DIMT1: variants seen among roughly 807,000 people sequenced by gnomAD.
DIMT1 encodes the protein DIM1 rRNA methyltransferase and ribosome maturation factor, also known as dimethyladenosine transferase.
A neutral mutation model predicts 43.2 loss-of-function variants in DIMT1; 36 were observed. That is an observed-to-expected ratio of 0.83 (90% CI 0.64 to 1.10). DIMT1 has a LOEUF of 1.10. Among genes scored for constraint, DIMT1 ranks in the 50% least tolerant of loss-of-function variants. The pLI is 0.00. For synonymous variants in DIMT1, 126 were observed against 130.3 expected (o/e 0.97, Z 0.22); for missense variants, 341 against 385.3 (o/e 0.88, Z 0.96).
chr5:62,394,606 A>C lies in DIMT1; in HGVS notation c.448T>G (p.Cys150Gly). The C allele has an allele frequency of 6.2e-7, 1 of 1,613,734 alleles. No individual in the cohort carries two copies. The highest frequency in any genetic ancestry group is 8.5e-7 in the Non-Finnish European group (1 of 1,179,878). The change falls in exon 7 of 12, where the codon TGT becomes GGT. Residue 150 changes from cysteine (C) to glycine (G), a missense_variant and splice_region_variant. Transcript: ENST00000199320. The part of the protein sequence containing the change: ...KLLLHRPFFR[C>G]AILMFQREFA... The stretch of plus-strand genomic sequence containing the variant: ...TCTCTTTGAAACATAAGTATAGCAC[A>C]CCTGAAAAGAAAGCAGAAAGGAATA...
chr5:62,391,579 G>T, intron 10 of DIMT1: 1 of 446,738 alleles, frequency 2.2e-6, no homozygotes, highest in Non-Finnish European at 3.0e-6. Flanking sequence ...AAACCATATA[G>T]GTTCTGAGTC....
At chr5:62,394,738 T>G in intron 6 of DIMT1, 131 bp from the exon 7 acceptor site, 3 of 1,323,714 alleles carry the variant, frequency 2.3e-6, no homozygotes, top group Non-Finnish European at 3.1e-6. Context: ...GAGAACACAT[T>G]CAGCCTTTTT....
intron 9 of DIMT1, 70 bp downstream of exon 9, chr5:62,392,856 A>G: frequency 9.1e-7 from 1 of 1,097,030 alleles, no homozygotes; most frequent in Non-Finnish European, 1.4e-6. Flanking sequence ...TGCTCAGGAA[A>G]AGGACCAAAT....
chr5:62,393,214 A>AT (rs372615052), intron 8 of DIMT1, among the ~76,000 whole-genome samples: 166 of 151,450 alleles, frequency 1.1e-3, no homozygotes, highest in African/African-American at 3.8e-3. Flanking sequence ...TTTCCTCAGA[A>AT]TTTTTTTTTG....
At chr5:62,394,937 T>C (rs1457095799) in intron 6 of DIMT1, among the ~76,000 whole-genome samples, 4 of 152,036 alleles carry the variant, frequency 2.6e-5, no homozygotes, top group Non-Finnish European at 5.9e-5. Context: ...ATTTATGGGG[T>C]AGCAAACACC....
At chr5:62,396,095 T>G (rs1031755943) in intron 6 of DIMT1, among the ~76,000 whole-genome samples, 1 of 146,950 alleles carries the variant, frequency 6.8e-6, no homozygotes, top group Non-Finnish European at 1.5e-5. Context: ...TTAGTCTATA[T>G]CAAAAAAACT....
chr5:62,403,849 G>A lies in DIMT1; in HGVS notation c.-77C>T, dbSNP rs1742806699. 13 of 1,476,576 alleles carry A rather than the reference G, an allele frequency of 8.8e-6. No individual in the cohort carries two copies. Among genetic ancestry groups the A allele is most frequent in the Non-Finnish European group, 1.2e-5 (13 of 1,086,180 alleles). 91.5% of individuals were successfully genotyped at this position (1,476,576 alleles called of 1,614,324 possible). On this transcript the variant is annotated 5_prime_UTR_variant, in exon 1 of 12. Coordinates refer to ENST00000199320, the MANE Select transcript of DIMT1 (RefSeq NM_014473.4). The stretch of plus-strand genomic sequence containing the variant: ...GGCTAGCGTGAGAAAGCCACCACGT[G>A]GGGATCGCCGCCACGCGCCGCCCGC...
At chr5:62,393,118 G>C (rs1486902928) in intron 8 of DIMT1, 128 bp from the exon 9 acceptor site, 1 of 547,152 alleles carries the variant, frequency 1.8e-6, no homozygotes, top group African/African-American at 1.9e-5. Context: ...AAAATGTTCT[G>C]TAATCTTGAT....
chr5:62,397,517 A>G (rs1742539867), intron 6 of DIMT1, among the ~76,000 whole-genome samples: 1 of 152,244 alleles, frequency 6.6e-6, no homozygotes, highest in Non-Finnish European at 1.5e-5. Context: ...GGAACAAACA[A>G]GATGAATGTT....
At position 62,389,066 on chromosome 5, in the gene DIMT1, T is replaced by G. The variant is rs1229654164; in HGVS notation, c.900-14A>C. 6.2e-7 allele frequency: 1 copy of G among 1,609,380 alleles called. No individual in the cohort carries two copies. The highest frequency in any genetic ancestry group is 8.5e-7 in the Non-Finnish European group (1 of 1,177,364). ...CCATGTAGCAATCTGAAAAAAGAAA[T>G]CAAAATGGAATGGTACTGAAAAGCT... On this transcript the variant is annotated splice_polypyrimidine_tract_variant and intron_variant, in intron 11 of 11. Transcript: ENST00000199320.
At chr5:62,403,188 G>A (rs959860593) in intron 2 of DIMT1, 85 bp downstream of exon 2, 38 of 1,200,350 alleles carry the variant, frequency 3.2e-5, no homozygotes, top group Middle Eastern at 3.9e-4. Flanking sequence ...TCTAATTTAC[G>A]GCAGGCAGAC....
intron 11 of DIMT1, among the ~76,000 whole-genome samples, chr5:62,390,352 A>G (rs1360018067): frequency 1.3e-5 from 2 of 152,250 alleles, no homozygotes; most frequent in Non-Finnish European, 2.9e-5. Flanking sequence ...TTTTTACTTG[A>G]GAAGTGTAGA....
chr5:62,401,033 G>C (rs552334335), intron 3 of DIMT1, among the ~76,000 whole-genome samples: 164 of 152,268 alleles, frequency 1.1e-3, no homozygotes, highest in African/African-American at 3.8e-3. Context: ...TTACAGGTGT[G>C]AGCCACCATG....
chr5:62,393,210 C>T (rs1426655797), intron 8 of DIMT1, among the ~76,000 whole-genome samples: 1 of 151,926 alleles, frequency 6.6e-6, no homozygotes, highest in Admixed American at 6.6e-5. Flanking sequence ...GTCTTTTCCT[C>T]AGAATTTTTT....
At chr5:62,392,670 G>A (rs1471569660) in intron 9 of DIMT1, 2 of 385,776 alleles carry the variant, frequency 5.2e-6, no homozygotes, top group African/African-American at 2.1e-5. Context: ...CAAAAAACTA[G>A]AGCAGATATA....
chr5:62,400,659 C>T (rs1742667311), intron 3 of DIMT1, among the ~76,000 whole-genome samples: 1 of 152,070 alleles, frequency 6.6e-6, no homozygotes, highest in Non-Finnish European at 1.5e-5. Flanking sequence ...GCTGGGATTA[C>T]AGATGTGGGC....
At chr5:62,391,954 G>A (rs1164431110) in intron 10 of DIMT1, 2 of 1,537,038 alleles carry the variant, frequency 1.3e-6, no homozygotes, top group East Asian at 4.9e-5. Flanking sequence ...AGGACAGGGT[G>A]GAGTAATCAA....
At position 62,387,495 on chromosome 5, in the gene DIMT1, A is replaced by G. The variant is rs1742089529; in HGVS notation, c.*1515T>C. 6.6e-6 allele frequency: 1 copy of G among 152,202 alleles called. No individual in the cohort carries two copies. The highest frequency in any genetic ancestry group is 2.1e-4 in the South Asian group (1 of 4,836). The allele number at this position is 152,202 out of a possible 1,614,324, so 9.4% of individuals were successfully genotyped here. A position where few individuals can be genotyped will look rare whatever the true frequency, so the allele number is the denominator to read the frequency against. On this transcript the variant is annotated 3_prime_UTR_variant, in exon 12 of 12. Coordinates refer to ENST00000199320, the MANE Select transcript of DIMT1 (RefSeq NM_014473.4). The stretch of plus-strand genomic sequence containing the variant: ...CTTATAGACAAATATGCTGCCTTAC[A>G]CTATGATGGCTTCATTCTGATCAGG...
chr5:62,395,142 A>G (rs1362345154), intron 6 of DIMT1, among the ~76,000 whole-genome samples: 2 of 151,344 alleles, frequency 1.3e-5, no homozygotes, highest in African/African-American at 4.9e-5. Context: ...CTCGTTCCTC[A>G]GCCTCCCGAG....
Sources: gnomAD v4.1 joint callset for allele counts (sites outside exome capture counted in the v4.1 genomes callset) on GRCh38, gnomAD v4.1.1 for gene constraint, MANE v1.5 for transcripts, NCBI Gene and HGNC (gene_info 2026-07-23, HGNC 2026-07-21) for gene names.